GON4L: variants seen among roughly 807,000 people sequenced by gnomAD.
GON4L encodes gon-4 like, also known as GON-4-like protein.
GON4L carries 87 observed loss-of-function variants against 211.8 expected under a neutral mutation model. The ratio of observed to expected loss-of-function variants is 0.41; its 90% confidence interval spans 0.35 to 0.49. The LOEUF (loss-of-function observed/expected upper bound fraction) is 0.49. GON4L is among the 20% of genes least tolerant of loss of function. The probability of loss-of-function intolerance (pLI) is 0.15; values close to 1 mark genes in which losing one functional copy is unlikely to be tolerated. For missense variants in GON4L, 2,155 were observed against 2,659.5 expected (o/e 0.81, Z 4.17); for synonymous variants, 875 against 962.6 (o/e 0.91, Z 1.68).
chr1:155,777,330 C>T (rs1663918415), intron 15 of GON4L, among the ~76,000 whole-genome samples: 1 of 152,166 alleles, frequency 6.6e-6, no homozygotes, highest in African/African-American at 2.4e-5. Context: ...CCTGTAATCC[C>T]AGCACTTTAG....
At position 155,826,919 on chromosome 1, in the gene GON4L, G is replaced by C. The variant is rs375212531; in HGVS notation, c.615C>G (p.Ala205=). 12 of 1,613,678 alleles carry C rather than the reference G, an allele frequency of 7.4e-6. No individual in the cohort carries two copies. Among genetic ancestry groups the C allele is most frequent in the Non-Finnish European group, 1.0e-5 (12 of 1,179,726 alleles). ...PRKSTQPDVC[A]SPQEKPLRTL... ...TCCTGAGTGGCTTTTCTTGAGGAGA[G>C]GCACAAACATCTGGCTGGGTTGATT... is the stretch of plus-strand genomic sequence containing the variant. The change falls in exon 3 of 32, where the codon GCC becomes GCG. Residue 205 remains alanine, a synonymous_variant. Transcript: ENST00000368331.
chr1:155,827,374 G>T (rs1173244227), intron 2 of GON4L, among the ~76,000 whole-genome samples: 3 of 152,082 alleles, frequency 2.0e-5, no homozygotes, highest in Non-Finnish European at 4.4e-5. Flanking sequence ...ATCATAAAAT[G>T]CCCTGACTTT....
In GON4L at chr1:155,766,446, G is replaced by A. The variant is rs141483598; in HGVS notation, c.3027C>T (p.Ser1009=). 4.3e-6 allele frequency: 7 copies of A among 1,613,988 alleles called. No homozygotes were observed. The African/African-American group carries it at 9.3e-5, about 22-fold the overall frequency. The stretch of plus-strand genomic sequence containing the variant: ...GGTTGAAGCTGGGCTGGAGAGAGGG[G>A]CTGGGTTGGATAAGGAGGGGCTTCA... ...SVLKPLLIQP[S]PSLQPSFNPG... The change falls in exon 21 of 32, where the codon AGC becomes AGT. Residue 1009 remains serine, a synonymous_variant. Coordinates refer to ENST00000368331, the MANE Select transcript of GON4L (RefSeq NM_001282860.2).
intron 2 of GON4L, among the ~76,000 whole-genome samples, chr1:155,835,351 C>T (rs1376107290): frequency 6.6e-6 from 1 of 152,006 alleles, no homozygotes; most frequent in African/African-American, 2.4e-5. Context: ...GGTCCTCTGC[C>T]TAGGAAAACC....
chr1:155,834,891 C>T (rs549809511), intron 2 of GON4L, among the ~76,000 whole-genome samples: 23 of 146,160 alleles, frequency 1.6e-4, no homozygotes, highest in Middle Eastern at 3.5e-3. Context: ...CCGCCCCGTC[C>T]GGGAGGTGAG....
intron 7 of GON4L, 112 bp from the exon 8 acceptor site, chr1:155,816,012 T>C (rs904503854): frequency 1.1e-5 from 8 of 746,156 alleles, no homozygotes; most frequent in African/African-American, 5.3e-5. Context: ...AAGAGCATAA[T>C]GTACAGCTAA....
intron 2 of GON4L, among the ~76,000 whole-genome samples, chr1:155,838,774 A>G (rs1670529271): frequency 6.7e-6 from 1 of 150,204 alleles, no homozygotes; most frequent in Non-Finnish European, 1.5e-5. Context: ...TGTCTCAAAA[A>G]AAAAAAAAGA....
intron 2 of GON4L, 123 bp from the exon 3 acceptor site, chr1:155,827,151 T>C (rs1187701759): frequency 2.7e-6 from 2 of 746,552 alleles, no homozygotes; most frequent in Non-Finnish European, 4.7e-6. Flanking sequence ...ATATACTATA[T>C]AGGAATTTTC....
intron 5 of GON4L, among the ~76,000 whole-genome samples, 182 bp downstream of exon 5, chr1:155,821,286 AAATAAT>A (rs1030422421): frequency 1.3e-5 from 2 of 151,328 alleles, no homozygotes; most frequent in African/African-American, 2.4e-5. Flanking sequence ...AATAATAATA[AAATAAT>A]AATAATAATA....
chr1:155,809,524 C>T (rs867734869), intron 10 of GON4L, among the ~76,000 whole-genome samples: 18 of 143,850 alleles, frequency 1.3e-4, no homozygotes, highest in African/African-American at 4.3e-4. Context: ...TAATTATATA[C>T]TTATATATAA....
intron 20 of GON4L, chr1:155,767,158 A>C: frequency 2.4e-6 from 2 of 831,594 alleles, no homozygotes; most frequent in South Asian, 3.8e-5. Flanking sequence ...CTGCATATCA[A>C]ATCTACAAAG....
intron 1 of GON4L, among the ~76,000 whole-genome samples, chr1:155,856,491 C>T (rs1203874704): frequency 6.6e-6 from 1 of 152,036 alleles, no homozygotes; most frequent in Non-Finnish European, 1.5e-5. Flanking sequence ...CCGCCCCAGC[C>T]TCCCAAAGTG....
chr1:155,835,932 T>C (rs1421357115), intron 2 of GON4L, among the ~76,000 whole-genome samples: 1 of 152,196 alleles, frequency 6.6e-6, no homozygotes. Flanking sequence ...GAGGGAGACC[T>C]TTAGCCAGAC....
rs771286865 is a variant in GON4L at position 155,777,643 on chromosome 1, T to C, written c.2070A>G (p.Arg690=). 24 of 1,613,168 alleles carry C rather than the reference T, an allele frequency of 1.5e-5. No homozygotes were observed. The South Asian group carries it at 2.3e-4, about 16-fold the overall frequency. The change falls in exon 15 of 32, where the codon AGA becomes AGG. Residue 690 remains arginine, a synonymous_variant. Coordinates refer to ENST00000368331, the MANE Select transcript of GON4L (RefSeq NM_001282860.2). ...CTACCTGCTGCATCTGCTGCTGGAG[T>C]CTCTTCCTCTGTGCTGGGTCCAGAA... ...TLILDPAQRK[R]LQQQMQQHVQ...
intron 28 of GON4L, 137 bp from the exon 29 acceptor site, chr1:155,753,551 G>A: frequency 1.5e-6 from 1 of 674,960 alleles, no homozygotes; most frequent in Non-Finnish European, 2.6e-6. Flanking sequence ...TTTGTTGACA[G>A]AGTTTCAACT....
intron 2 of GON4L, chr1:155,845,360 C>G: frequency 4.5e-6 from 1 of 221,092 alleles, no homozygotes; most frequent in Non-Finnish European, 9.2e-6. Context: ...GGCCTGGTGG[C>G]CAGAGTGTAT....
At chr1:155,831,574 C>CA (rs1231100239) in intron 2 of GON4L, 1 of 151,940 alleles carries the variant, frequency 6.6e-6, no homozygotes, top group Non-Finnish European at 1.5e-5. Flanking sequence ...GCAGCAGGAT[C>CA]ATTTAAGGCC....
intron 12 of GON4L, 33 bp downstream of exon 12, chr1:155,795,017 C>T (rs3738591): frequency 1.7e-6 from 2 of 1,188,334 alleles, no homozygotes; most frequent in African/African-American, 3.0e-5. Flanking sequence ...GCAAAGCAGT[C>T]AAGAGCAGGA....
Position 155,783,946 on chromosome 1 carries a change from T to C in GON4L, c.1892+40A>G, listed in dbSNP as rs762352630. The stretch of plus-strand genomic sequence containing the variant: ...CTGAAAACCTTTTCAGAAATAAACT[T>C]TTCCTCTATTCCAAATCTCAAGGTC... On this transcript the variant is annotated intron_variant, in intron 14 of 31. Transcript: ENST00000368331. 3.0e-5 allele frequency: 49 copies of C among 1,611,098 alleles called. No homozygotes were observed. In the East Asian group the frequency reaches 5.6e-4, roughly 18 times the overall value.
Sources: allele counts gnomAD v4.1 joint callset (sites outside exome capture counted in the v4.1 genomes callset), GRCh38; gene constraint gnomAD v4.1.1; transcripts MANE v1.5; gene names NCBI Gene and HGNC (gene_info 2026-07-23, HGNC 2026-07-21).